Variants in CYP3A4 observed in about 807,000 individuals in gnomAD.
CYP3A4 encodes cytochrome P450 family 3 subfamily A member 4, also known as cytochrome P450 3A4.
CYP3A4 carries 41 observed loss-of-function variants against 54.9 expected under a neutral mutation model. That is an observed-to-expected ratio of 0.75 (90% confidence interval 0.58 to 0.97). The LOEUF (loss-of-function observed/expected upper bound fraction) is 0.97, where lower values mean the gene tolerates loss of function less well. CYP3A4 is among the 50% of genes least tolerant of loss of function. The probability of loss-of-function intolerance (pLI) is 0.00; values close to 1 mark genes in which losing one functional copy is unlikely to be tolerated. For synonymous variants in CYP3A4, 179 were observed against 205.2 expected, an observed-to-expected ratio of 0.87 and a Z score of 1.09; for missense variants, 510 against 597.3, an observed-to-expected ratio of 0.85 and a Z score of 1.52.
chr7:99,765,043 G>A (rs1193375299), intron 9 of CYP3A4, among the ~76,000 whole-genome samples: 2 of 152,024 alleles, frequency 1.3e-5, no homozygotes, highest in Non-Finnish European at 2.9e-5. Flanking sequence ...GAGAAAGGTC[G>A]ACAGAGCTGT....
At chr7:99,767,774 C>G (rs1446281123) in intron 7 of CYP3A4, among the ~76,000 whole-genome samples, 1 of 151,914 alleles carries the variant, frequency 6.6e-6, no homozygotes, top group Non-Finnish European at 1.5e-5. Context: ...AAAGTAGAAA[C>G]CAAAAGGGCA....
intron 12 of CYP3A4, among the ~76,000 whole-genome samples, chr7:99,759,519 C>T (rs1220722710): frequency 2.0e-5 from 3 of 152,290 alleles, no homozygotes; most frequent in South Asian, 4.1e-4. Flanking sequence ...ATCAACTGCA[C>T]ATCACTCCTT....
intron 2 of CYP3A4, among the ~76,000 whole-genome samples, chr7:99,779,232 A>T (rs1222446052): frequency 6.6e-6 from 1 of 152,148 alleles, no homozygotes; most frequent in East Asian, 1.9e-4. Context: ...TTTGTGTAAA[A>T]AAAAAACCCC....
At position 99,779,130 on chromosome 7, in the gene CYP3A4, G is replaced by A. The variant is rs184309684; in HGVS notation, c.165+862C>T. Among the ~76,000 whole-genome samples the A allele has an allele frequency of 1.2e-4, 19 of 152,236 alleles. No individual in the cohort carries two copies. The East Asian group carries it at 2.9e-3, about 23-fold the overall frequency. On this transcript the variant is annotated intron_variant, in intron 2 of 12. Transcript: ENST00000651514. ...GGCTCGGCCAAAGTTCACGGTCCAC[G>A]TGGCACATATTATATTCTATTCAGC...
chr7:99,768,262 T>G, intron 7 of CYP3A4, 92 bp downstream of exon 7: 1 of 1,335,570 alleles, frequency 7.5e-7, no homozygotes, highest in Non-Finnish European at 1.1e-6. Flanking sequence ...CTGTATATTT[T>G]AAGTGGATGA....
At chr7:99,768,640 A>G in intron 6 of CYP3A4, 138 bp from the exon 7 acceptor site, 3 of 1,507,484 alleles carry the variant, frequency 2.0e-6, no homozygotes, top group African/African-American at 1.4e-5. Context: ...ATCACCTTCT[A>G]TCACACTCCA....
At chr7:99,782,457 T>C (rs1374604577) in intron 1 of CYP3A4, among the ~76,000 whole-genome samples, 21 of 152,188 alleles carry the variant, frequency 1.4e-4, no homozygotes, top group Admixed American at 1.4e-3. Context: ...ACTCCTGGGC[T>C]GCATCAGCAT....
intron 1 of CYP3A4, among the ~76,000 whole-genome samples, chr7:99,782,268 G>A (rs763902675): frequency 1.3e-5 from 2 of 152,212 alleles, no homozygotes; most frequent in African/African-American, 4.8e-5. Context: ...AGACTCACAT[G>A]GTTCCGTGTC....
chr7:99,768,959 C>G (rs1815554814), intron 6 of CYP3A4, among the ~76,000 whole-genome samples: 1 of 152,164 alleles, frequency 6.6e-6, no homozygotes. Flanking sequence ...GCAACAGTAC[C>G]CTGTTCTGAG....
At chr7:99,758,306 ACTC>A in intron 12 of CYP3A4, 78 bp from the exon 13 acceptor site, 2 of 1,506,218 alleles carry the variant, frequency 1.3e-6, no homozygotes, top group Non-Finnish European at 1.8e-6. Flanking sequence ...TGAGTGAGAC[ACTC>A]CTTCAGTGTT....
At chr7:99,758,647 T>G (rs1420523278) in intron 12 of CYP3A4, among the ~76,000 whole-genome samples, 1 of 152,194 alleles carries the variant, frequency 6.6e-6, no homozygotes, top group African/African-American at 2.4e-5. Context: ...TGGCAAACTG[T>G]TTTTGAAGAG....
intron 10 of CYP3A4, among the ~76,000 whole-genome samples, chr7:99,763,446 GA>G (rs1274504066): frequency 6.6e-6 from 1 of 151,752 alleles, no homozygotes; most frequent in Non-Finnish European, 1.5e-5. Context: ...GAGATAAAAA[GA>G]GCAAATTCCT....
At position 99,767,206 on chromosome 7, in the gene CYP3A4, A is replaced by C; in HGVS notation, c.723T>G (p.Phe241Leu). ...TTAAAAAATTTGTAACTTCTCTTGGAAACACACAGATATTTAATACTTCAA... is the reference window on the plus strand; with the variant it reads ...TTAAAAAATTTGTAACTTCTCTTGGCAACACACAGATATTTAATACTTCAA... Reference protein sequence around the residue: ...PILEVLNICVFPREVTNFLRK... With the variant: ...PILEVLNICVLPREVTNFLRK... Residue 241 changes from phenylalanine (F) to leucine (L), a missense_variant, in exon 8 of 13, where the codon TTT becomes TTG. By Grantham distance (22) the Phe-to-Leu change is conservative. Transcript: ENST00000651514. 6.2e-7 allele frequency: 1 copy of C among 1,611,020 alleles called. No homozygotes were observed. The highest frequency in any genetic ancestry group is 8.5e-7 in the Non-Finnish European group (1 of 1,178,170).
At position 99,772,671 on chromosome 7, in the gene CYP3A4, C is replaced by T; in HGVS notation, c.237G>A (p.Gln79=). 6.2e-7 allele frequency: 1 copy of T among 1,613,310 alleles called. No homozygotes were observed. The highest frequency in any genetic ancestry group is 8.5e-7 in the Non-Finnish European group (1 of 1,179,406). ...GKVWGFYDGQ[Q]PVLAITDPDM... Reference sequence around the variant, plus strand: ...CAGGATCTGTGATAGCCAGCACAGGCTGTTGACCATCATAAAAGCTGTGTG... The same window carrying T: ...CAGGATCTGTGATAGCCAGCACAGGTTGTTGACCATCATAAAAGCTGTGTG... Residue 79 remains glutamine, a synonymous_variant, in exon 4 of 13, where the codon CAG becomes CAA. Coordinates refer to ENST00000651514, the MANE Select transcript of CYP3A4 (RefSeq NM_017460.6).
At chr7:99,780,353 G>A (rs1815888211) in intron 1 of CYP3A4, among the ~76,000 whole-genome samples, 1 of 152,178 alleles carries the variant, frequency 6.6e-6, no homozygotes, top group African/African-American at 2.4e-5. Flanking sequence ...TTTGATAAAT[G>A]TTCTCAAATG....
At chr7:99,779,106 G>C (rs766161344) in intron 2 of CYP3A4, among the ~76,000 whole-genome samples, 2 of 152,074 alleles carry the variant, frequency 1.3e-5, no homozygotes, top group African/African-American at 2.4e-5. Flanking sequence ...AGGCACAAAG[G>C]CTCGGCCAAA....
Position 99,767,265 on chromosome 7 carries a change from G to C in CYP3A4, c.671-7C>G. 6.4e-7 allele frequency: 1 copy of C among 1,561,966 alleles called. No individual in the cohort carries two copies. Among genetic ancestry groups the C allele is most frequent in the Non-Finnish European group, 8.6e-7 (1 of 1,162,110 alleles). ...ATGAGGAATGGAAAGACTGCTGTAGGAAAAACAAAACAAAAACAGAAAAAG... is the reference window on the plus strand; with the variant it reads ...ATGAGGAATGGAAAGACTGCTGTAGCAAAAACAAAACAAAAACAGAAAAAG... On this transcript the variant is annotated splice_polypyrimidine_tract_variant and splice_region_variant and intron_variant, in intron 7 of 12. Transcript: ENST00000651514.
At chr7:99,777,498 G>A (rs1302394875) in intron 3 of CYP3A4, among the ~76,000 whole-genome samples, 1 of 151,576 alleles carries the variant, frequency 6.6e-6, no homozygotes, top group African/African-American at 2.4e-5. Flanking sequence ...GTGTGTGTGT[G>A]TGTGTGTGTG....
At position 99,769,853 on chromosome 7, in the gene CYP3A4, C is replaced by A; in HGVS notation, c.436G>T (p.Val146Phe). The A allele has an allele frequency of 6.2e-7, 1 of 1,614,018 alleles. No individual in the cohort carries two copies. The highest frequency in any genetic ancestry group is 1.3e-5 in the African/African-American group (1 of 75,034). The change falls in exon 6 of 13, where the codon GTC becomes TTC. Residue 146 changes from valine (V) to phenylalanine (F), a missense_variant. Around this residue, in one of 2 missense-constraint regions of CYP3A4, gnomAD observed 272 missense variants for 274.9 expected, o/e 0.99. Coordinates refer to ENST00000651514, the MANE Select transcript of CYP3A4 (RefSeq NM_017460.6). ...TFTSGKLKEM[V>F]PIIAQYGDVL... is the part of the protein sequence containing the mutation. ...TCTCCATACTGGGCAATGATAGGGA[C>A]CATCTAAGCACAAAACACAACACCA...
Sources: allele counts gnomAD v4.1 joint callset (sites outside exome capture counted in the v4.1 genomes callset), GRCh38; gene constraint gnomAD v4.1.1; regional missense constraint gnomAD v4.1.1; transcripts MANE v1.5; gene names NCBI Gene and HGNC (gene_info 2026-07-23, HGNC 2026-07-21).